PAAF1: variants seen among roughly 807,000 people sequenced by gnomAD.
The protein encoded by PAAF1 is proteasomal ATPase-associated factor 1.
In PAAF1, 46 loss-of-function variants were observed where a neutral mutation model predicts 52.8. The ratio of observed to expected loss-of-function variants is 0.87; its 90% CI spans 0.69 to 1.11. PAAF1 has a LOEUF of 1.11. PAAF1 is among the 50% of genes most tolerant of loss of function. The pLI is 0.00. For synonymous variants in PAAF1, 178 were observed against 172.8 expected (o/e 1.03, Z -0.24); for missense variants, 424 against 477.4 (o/e 0.89, Z 1.04).
intron 2 of PAAF1, chr11:73,880,785 G>C (rs919267750): frequency 1.3e-5 from 2 of 150,218 alleles, no homozygotes; most frequent in Non-Finnish European, 3.0e-5. Context: ...GATCACCTGA[G>C]GTCAAGAGTT....
chr11:73,906,447 C>T (rs1472704671), intron 6 of PAAF1, among the ~76,000 whole-genome samples: 1 of 152,084 alleles, frequency 6.6e-6, no homozygotes, highest in Non-Finnish European at 1.5e-5. Flanking sequence ...AGACGGGTTT[C>T]GCTACGTTGG....
chr11:73,877,808 C>T (rs2135114428), intron 1 of PAAF1, among the ~76,000 whole-genome samples: 1 of 152,252 alleles, frequency 6.6e-6, no homozygotes, highest in East Asian at 1.9e-4. Context: ...ATCGGTTGAA[C>T]CCAGGAGGTG....
intron 4 of PAAF1, among the ~76,000 whole-genome samples, chr11:73,892,153 T>C (rs1189698132): frequency 6.6e-6 from 1 of 151,922 alleles, no homozygotes; most frequent in African/African-American, 2.4e-5. Context: ...TGAAACTCTG[T>C]CTCTACAGAA....
intron 3 of PAAF1, chr11:73,889,317 A>G: frequency 2.2e-6 from 2 of 922,484 alleles, no homozygotes; most frequent in East Asian, 5.9e-5. Context: ...TGATATTGCT[A>G]CATTGTTCTC....
At position 73,884,211 on chromosome 11, in the gene PAAF1, G is replaced by A. The variant is rs566374612; in HGVS notation, c.89-3143G>A. On this transcript the variant is annotated intron_variant, in intron 2 of 11. Coordinates refer to ENST00000310571, the MANE Select transcript of PAAF1 (RefSeq NM_025155.3). Reference sequence around the variant, plus strand: ...TCATTTTAGTGACTTCACAAATGTAGAGAAGTCAGCTGGGCAGGGTAACTC... The same window carrying A: ...TCATTTTAGTGACTTCACAAATGTAAAGAAGTCAGCTGGGCAGGGTAACTC... 2.6e-5 allele frequency among the ~76,000 whole-genome samples: 4 copies of A among 152,208 alleles called. No individual in the cohort carries two copies. The South Asian group carries it at 8.3e-4, about 32-fold the overall frequency.
chr11:73,908,910 T>A, intron 6 of PAAF1, among the ~76,000 whole-genome samples: 1 of 152,132 alleles, frequency 6.6e-6, no homozygotes, highest in African/African-American at 2.4e-5. Flanking sequence ...TGCCTCAGCC[T>A]CCTGTTTAGC....
At chr11:73,897,160 CG>C (rs1440446815) in intron 4 of PAAF1, among the ~76,000 whole-genome samples, 2 of 139,998 alleles carry the variant, frequency 1.4e-5, no homozygotes, top group Non-Finnish European at 3.1e-5. Context: ...ACCTCCCGGA[CG>C]GGGCGGCTGG....
chr11:73,878,730 C>CCTAT (rs759897489), intron 1 of PAAF1, 49 bp from the exon 2 acceptor site: 18 of 1,563,982 alleles, frequency 1.2e-5, no homozygotes, highest in Non-Finnish European at 1.6e-5. Flanking sequence ...ACTATGGGAT[C>CCTAT]CTATTCAACT....
intron 4 of PAAF1, among the ~76,000 whole-genome samples, chr11:73,896,908 C>T (rs1333816845): frequency 2.7e-5 from 4 of 150,660 alleles, no homozygotes; most frequent in African/African-American, 7.4e-5. Context: ...CCGGACGGGG[C>T]GGCTGGCCGG....
chr11:73,898,763 G>T (rs1219460767), intron 4 of PAAF1, among the ~76,000 whole-genome samples: 1 of 152,172 alleles, frequency 6.6e-6, no homozygotes, highest in South Asian at 2.1e-4. Context: ...GCAGTGAGCT[G>T]AGATGGGGAC....
chr11:73,906,907 G>T (rs1277053479), intron 6 of PAAF1, among the ~76,000 whole-genome samples: 1 of 152,082 alleles, frequency 6.6e-6, no homozygotes, highest in African/African-American at 2.4e-5. Context: ...AATTTATTGG[G>T]CACCTATACT....
intron 7 of PAAF1, among the ~76,000 whole-genome samples, chr11:73,910,437 A>T (rs1391494754): frequency 6.6e-6 from 1 of 152,130 alleles, no homozygotes; most frequent in East Asian, 1.9e-4. Flanking sequence ...ACGTGAAACT[A>T]AGTGTTATAT....
intron 2 of PAAF1, among the ~76,000 whole-genome samples, chr11:73,884,466 G>A (rs753434180): frequency 2.8e-4 from 42 of 152,138 alleles, no homozygotes; most frequent in Non-Finnish European, 3.5e-4. Context: ...CTGCACTCCA[G>A]CCTGGGTGAC....
intron 2 of PAAF1, among the ~76,000 whole-genome samples, chr11:73,883,257 T>G (rs1948965977): frequency 6.6e-6 from 1 of 152,104 alleles, no homozygotes; most frequent in South Asian, 2.1e-4. Context: ...CCATCTTGTT[T>G]CTTGTTTTTG....
At chr11:73,904,457 G>A (rs550951192) in intron 6 of PAAF1, among the ~76,000 whole-genome samples, 39 of 152,202 alleles carry the variant, frequency 2.6e-4, no homozygotes, top group Admixed American at 3.9e-4. Flanking sequence ...TAGTTAACTA[G>A]TTGGCTTTAT....
intron 6 of PAAF1, among the ~76,000 whole-genome samples, chr11:73,909,169 A>C (rs920658400): frequency 1.1e-4 from 17 of 152,234 alleles, no homozygotes; most frequent in Non-Finnish European, 2.4e-4. Context: ...TCCACTAAAA[A>C]TTAAATCCAG....
chr11:73,877,519 G>T (rs1169642366), intron 1 of PAAF1, among the ~76,000 whole-genome samples: 1 of 152,190 alleles, frequency 6.6e-6, no homozygotes, highest in Non-Finnish European at 1.5e-5. Context: ...ACTGTGTCCA[G>T]GCCCCATACT....
intron 4 of PAAF1, among the ~76,000 whole-genome samples, chr11:73,894,644 T>A (rs371376063): frequency 2.1e-5 from 3 of 146,128 alleles, no homozygotes; most frequent in African/African-American, 7.5e-5. Context: ...TAAAAAAAAA[T>A]CTACTAAAAA....
At chr11:73,918,435 A>G (rs1950128920) in intron 9 of PAAF1, among the ~76,000 whole-genome samples, 1 of 132,448 alleles carries the variant, frequency 7.6e-6, no homozygotes, top group Non-Finnish European at 1.6e-5. Context: ...TCACACTTAC[A>G]TATATATTAA....
Sources: allele counts gnomAD v4.1 joint callset (sites outside exome capture counted in the v4.1 genomes callset), GRCh38; gene constraint gnomAD v4.1.1; transcripts MANE v1.5; gene names NCBI Gene and HGNC (gene_info 2026-07-23, HGNC 2026-07-21).